Variants in MTHFD1L observed in about 807,000 individuals in gnomAD.
MTHFD1L encodes methylenetetrahydrofolate dehydrogenase (NADP+ dependent) 1 like.
In MTHFD1L, 81 loss-of-function variants were observed where a neutral mutation model predicts 119.5. The observed-to-expected ratio is 0.68, with a 90% confidence interval of 0.57 to 0.82. MTHFD1L has a LOEUF of 0.82. MTHFD1L is among the 40% of genes least tolerant of loss of function. The probability of loss-of-function intolerance (pLI) is 0.00; values close to 1 mark genes in which losing one functional copy is unlikely to be tolerated. For synonymous variants in MTHFD1L, 430 were observed against 475.2 expected (o/e 0.90, Z 1.24); for missense variants, 1,125 against 1,253.4 (o/e 0.90, Z 1.55).
intron 20 of MTHFD1L, among the ~76,000 whole-genome samples, chr6:151,008,197 C>T (rs1781666549): frequency 6.6e-6 from 1 of 152,192 alleles, no homozygotes; most frequent in Non-Finnish European, 1.5e-5. Context: ...GCTACAGCAA[C>T]TTAACAAAAT....
intron 26 of MTHFD1L, among the ~76,000 whole-genome samples, chr6:151,075,894 A>G (rs1038704888): frequency 6.6e-6 from 1 of 152,248 alleles, no homozygotes; most frequent in African/African-American, 2.4e-5. Flanking sequence ...GGATTTGTAT[A>G]TGGAATACTA....
In MTHFD1L at chr6:151,014,963, G is replaced by A. The variant is rs1217382775; in HGVS notation, c.2391G>A (p.Val797=). 1.9e-6 allele frequency: 3 copies of A among 1,613,914 alleles called. No individual in the cohort carries two copies. Among genetic ancestry groups the A allele is most frequent in the Non-Finnish European group, 2.5e-6 (3 of 1,179,990 alleles). The change falls in exon 23 of 28, where the codon GTG becomes GTA. Residue 797 remains valine, a synonymous_variant. Transcript: ENST00000367321. The part of the protein sequence containing the change: ...ITQLFGVPVV[V]ALNVFKTDTR... ...AGCTCTTTGGGGTTCCCGTTGTGGT[G>A]GCTCTGAATGTCTTCAAGTAAGTCC... is the stretch of plus-strand genomic sequence containing the variant.
chr6:150,911,892 G>A (rs1475193517), intron 8 of MTHFD1L, among the ~76,000 whole-genome samples: 2 of 152,102 alleles, frequency 1.3e-5, no homozygotes, highest in Non-Finnish European at 2.9e-5. Context: ...AGAGTATGGG[G>A]AAAACCACCC....
chr6:151,022,163 T>A (rs1784032080), intron 24 of MTHFD1L: 1 of 410,872 alleles, frequency 2.4e-6, no homozygotes, highest in East Asian at 7.5e-5. Context: ...GGGTGTTTCC[T>A]CCTCTGCTGG....
intron 1 of MTHFD1L, among the ~76,000 whole-genome samples, chr6:150,875,492 C>T (rs1780289794): frequency 6.6e-6 from 1 of 151,988 alleles, no homozygotes; most frequent in Non-Finnish European, 1.5e-5. Context: ...AGCTCTCTGT[C>T]TCTCTCTCTA....
At chr6:151,027,482 T>C (rs1458198774) in intron 24 of MTHFD1L, among the ~76,000 whole-genome samples, 2 of 152,174 alleles carry the variant, frequency 1.3e-5, no homozygotes, top group Non-Finnish European at 2.9e-5. Flanking sequence ...TATTAGTCAA[T>C]ATTTACAGAA....
chr6:151,034,974 A>C (rs1422298291), intron 25 of MTHFD1L, among the ~76,000 whole-genome samples: 1 of 136,780 alleles, frequency 7.3e-6, no homozygotes, highest in South Asian at 2.1e-4. Flanking sequence ...TCTTCCTTAC[A>C]GGCCTCTTAC....
Position 150,971,932 on chromosome 6 carries a change from T to A in MTHFD1L, c.2014-15T>A. Reference sequence around the variant, plus strand: ...TTGTCTTTTGGGATTTTGATTTGCTTTTTCACTTCTCTAGGGGACACCTGT... The same window carrying A: ...TTGTCTTTTGGGATTTTGATTTGCTATTTCACTTCTCTAGGGGACACCTGT... On this transcript the variant is annotated splice_polypyrimidine_tract_variant and intron_variant, in intron 19 of 27. Transcript: ENST00000367321. The A allele has an allele frequency of 6.2e-7, 1 of 1,607,482 alleles. No individual in the cohort carries two copies. The highest frequency in any genetic ancestry group is 8.5e-7 in the Non-Finnish European group (1 of 1,177,678).
intron 20 of MTHFD1L, among the ~76,000 whole-genome samples, chr6:151,001,582 G>T (rs1157851993): frequency 6.6e-6 from 1 of 152,116 alleles, no homozygotes; most frequent in African/African-American, 2.4e-5. Flanking sequence ...CCCATCCAGC[G>T]AAGGGAGAGC....
At chr6:151,065,909 C>T (rs9397375) in intron 26 of MTHFD1L, among the ~76,000 whole-genome samples, 1 of 152,188 alleles carries the variant, frequency 6.6e-6, no homozygotes, top group Admixed American at 6.5e-5. Flanking sequence ...AACTAAATGT[C>T]TCACACAGGC....
intron 18 of MTHFD1L, among the ~76,000 whole-genome samples, chr6:150,964,453 G>C (rs556993391): frequency 1.1e-4 from 17 of 152,202 alleles, no homozygotes; most frequent in Admixed American, 1.1e-3. Context: ...GCTTTTAAAC[G>C]TGGTAGTTTG....
At position 150,903,203 on chromosome 6, in the gene MTHFD1L, A is replaced by ATTCTTTT. The variant is rs1562348409; in HGVS notation, c.781-2445_781-2444insCTTTTTT. ...GATTGCTGGTGATATTGGCTGCAAA[A>ATTCTTTT]TTTTTTTTTTTTTTTTTTTTTTTTT... is the stretch of plus-strand genomic sequence containing the variant. On this transcript the variant is annotated intron_variant, in intron 7 of 27. Coordinates refer to ENST00000367321, the MANE Select transcript of MTHFD1L (RefSeq NM_015440.5). Among the ~76,000 whole-genome samples the ATTCTTTT allele has an allele frequency of 1.3e-4, 11 of 85,478 alleles. 1 individual carries two copies. The highest frequency in any genetic ancestry group is 3.0e-4 in the Admixed American group (2 of 6,586). The allele number at this position is 85,478 out of a possible 152,430, so 56.1% of individuals were successfully genotyped here.
At chr6:151,101,084 G>A (rs542722889) in intron 27 of MTHFD1L, among the ~76,000 whole-genome samples, 2 of 152,138 alleles carry the variant, frequency 1.3e-5, no homozygotes, top group African/African-American at 4.8e-5. Flanking sequence ...GCTTGAACCC[G>A]GGAGACGGAG....
chr6:150,912,367 C>T (rs747557019), intron 8 of MTHFD1L, among the ~76,000 whole-genome samples: 9 of 151,112 alleles, frequency 6.0e-5, no homozygotes, highest in Admixed American at 1.3e-4. Context: ...TTTAAAACCT[C>T]GCATACATTT....
intron 23 of MTHFD1L, among the ~76,000 whole-genome samples, chr6:151,015,240 G>A (rs1782874741): frequency 2.1e-5 from 2 of 97,536 alleles, no homozygotes; most frequent in East Asian, 2.4e-4. Flanking sequence ...ATTCTACCCA[G>A]CATTTTTGTC....
At chr6:150,972,787 T>C (rs1798157757) in intron 20 of MTHFD1L, among the ~76,000 whole-genome samples, 1 of 152,190 alleles carries the variant, frequency 6.6e-6, no homozygotes, top group South Asian at 2.1e-4. Context: ...TCTCCTTGTT[T>C]TTTGTGAGCT....
intron 20 of MTHFD1L, among the ~76,000 whole-genome samples, chr6:150,973,576 A>G (rs1776090830): frequency 6.6e-6 from 1 of 152,170 alleles, no homozygotes. Flanking sequence ...AGAAGGAAGC[A>G]CTCTATTTTA....
intron 26 of MTHFD1L, among the ~76,000 whole-genome samples, chr6:151,048,196 A>G (rs377761759): frequency 6.6e-6 from 1 of 152,126 alleles, no homozygotes; most frequent in Non-Finnish European, 1.5e-5. Context: ...AGGACTGGTG[A>G]TGGAGGAACG....
intron 18 of MTHFD1L, among the ~76,000 whole-genome samples, chr6:150,963,040 C>T (rs569697674): frequency 6.6e-6 from 1 of 151,448 alleles, no homozygotes; most frequent in South Asian, 2.1e-4. Flanking sequence ...CTCAGCCTCT[C>T]GAGTTGCTGG....
Sources: gnomAD v4.1 joint callset for allele counts (sites outside exome capture counted in the v4.1 genomes callset) on GRCh38, gnomAD v4.1.1 for gene constraint, MANE v1.5 for transcripts, NCBI Gene and HGNC (gene_info 2026-07-23, HGNC 2026-07-21) for gene names.